Variants in WWC1 observed in about 807,000 individuals in gnomAD.
WWC1 encodes WW and C2 domain containing 1, also known as protein KIBRA.
A neutral mutation model predicts 138.4 loss-of-function variants in WWC1; 55 were observed. The ratio of observed to expected loss-of-function variants is 0.40; its 90% confidence interval spans 0.32 to 0.50. The LOEUF is 0.50. Among genes scored for constraint, WWC1 ranks in the 20% least tolerant of loss-of-function variants. The pLI, the probability that WWC1 is intolerant of heterozygous loss-of-function variation, is 0.72. For missense variants in WWC1, 1,226 were observed against 1,420.4 expected (o/e 0.86, Z 2.20); for synonymous variants, 524 against 564.9 (o/e 0.93, Z 1.03).
intron 20 of WWC1, among the ~76,000 whole-genome samples, chr5:168,461,306 T>C (rs1000404256): frequency 9.9e-5 from 15 of 152,048 alleles, no homozygotes; most frequent in African/African-American, 3.6e-4. Context: ...CACCCCAGCC[T>C]GGGCAACAGA....
chr5:168,412,341 C>T (rs915338031), intron 8 of WWC1, among the ~76,000 whole-genome samples: 7 of 152,146 alleles, frequency 4.6e-5, no homozygotes, highest in Non-Finnish European at 8.8e-5. Flanking sequence ...TGTCTGTAAT[C>T]CAAGGAGGGT....
chr5:168,464,012 T>C (rs1757036224), intron 20 of WWC1, among the ~76,000 whole-genome samples: 1 of 152,180 alleles, frequency 6.6e-6, no homozygotes, highest in African/African-American at 2.4e-5. Flanking sequence ...TGGGCTTTGA[T>C]AACATGCTTA....
chr5:168,432,982 C>A (rs965257998), intron 15 of WWC1, among the ~76,000 whole-genome samples: 10 of 152,236 alleles, frequency 6.6e-5, no homozygotes, highest in African/African-American at 2.2e-4. Flanking sequence ...TGCTCTCCAT[C>A]CTTGCCTTGA....
chr5:168,392,855 C>T (rs528512941), intron 3 of WWC1, among the ~76,000 whole-genome samples: 1 of 152,142 alleles, frequency 6.6e-6, no homozygotes, highest in East Asian at 1.9e-4. Flanking sequence ...AAAATAGAGA[C>T]TCAAACCAAC....
intron 3 of WWC1, among the ~76,000 whole-genome samples, chr5:168,391,106 A>G (rs1778451464): frequency 6.6e-6 from 1 of 152,236 alleles, no homozygotes; most frequent in South Asian, 2.1e-4. Context: ...CTCTTCAGCT[A>G]CACTTGGTTC....
At chr5:168,297,626 C>CA (rs70976474) in intron 1 of WWC1, among the ~76,000 whole-genome samples, 895 of 53,712 alleles carry the variant, frequency 0.017, 14 homozygotes, top group African/African-American at 0.032. Context: ...AACTCCATCT[C>CA]AAAAAAAAAA....
At chr5:168,428,852 C>T (rs1294928603) in intron 13 of WWC1, 65 bp downstream of exon 13, 8 of 1,560,688 alleles carry the variant, frequency 5.1e-6, no homozygotes, top group East Asian at 2.3e-5. Context: ...TCATCCACAG[C>T]GTTCCCCAGC....
At chr5:168,386,180 T>C (rs140665845) in intron 3 of WWC1, among the ~76,000 whole-genome samples, 71 of 152,216 alleles carry the variant, frequency 4.7e-4, no homozygotes, top group Non-Finnish European at 7.8e-4. Context: ...CGGACAACTC[T>C]ATCAGAAGCC....
chr5:168,421,936 G>C (rs1165682267), intron 9 of WWC1, 72 bp from the exon 10 acceptor site: 1 of 1,314,304 alleles, frequency 7.6e-7, no homozygotes, highest in East Asian at 2.4e-5. Flanking sequence ...TGTGGGTCTG[G>C]GTGTACATGG....
At chr5:168,447,340 G>A (rs892769178) in intron 17 of WWC1, among the ~76,000 whole-genome samples, 1 of 152,138 alleles carries the variant, frequency 6.6e-6, no homozygotes, top group African/African-American at 2.4e-5. Context: ...TTTCTGGAGA[G>A]GGCCAGATGG....
intron 1 of WWC1, among the ~76,000 whole-genome samples, chr5:168,363,524 C>CAAAAAAAAA (rs386405611): frequency 1.5e-5 from 1 of 65,782 alleles, no homozygotes; most frequent in African/African-American, 6.9e-5. Flanking sequence ...GACTCTGTCT[C>CAAAAAAAAA]AAAAAAAAAA....
chr5:168,317,728 G>T (rs1212234187), intron 1 of WWC1, among the ~76,000 whole-genome samples: 1 of 152,168 alleles, frequency 6.6e-6, no homozygotes, highest in Non-Finnish European at 1.5e-5. Context: ...TAAAAGGCTG[G>T]ATTATGTGGG....
chr5:168,464,644 G>T, intron 20 of WWC1, 85 bp from the exon 21 acceptor site: 1 of 1,558,332 alleles, frequency 6.4e-7, no homozygotes, highest in African/African-American at 1.4e-5. Flanking sequence ...CTACAAGAGA[G>T]GGTATTTGAG....
At chr5:168,340,291 G>A (rs1773938286) in intron 1 of WWC1, among the ~76,000 whole-genome samples, 1 of 152,116 alleles carries the variant, frequency 6.6e-6, no homozygotes, top group African/African-American at 2.4e-5. Flanking sequence ...GGCCAGGCTG[G>A]TCTTGAACTC....
At chr5:168,311,292 A>G (rs551482061) in intron 1 of WWC1, among the ~76,000 whole-genome samples, 7 of 144,676 alleles carry the variant, frequency 4.8e-5, no homozygotes, top group Non-Finnish European at 1.1e-4. Context: ...GTCGAAGGCT[A>G]CAGAGGCCCA....
At chr5:168,435,265 G>A (rs1164487221) in intron 15 of WWC1, among the ~76,000 whole-genome samples, 2 of 152,064 alleles carry the variant, frequency 1.3e-5, no homozygotes, top group Admixed American at 1.3e-4. Flanking sequence ...CTGCACTCCT[G>A]TCTGAGGCCA....
intron 2 of WWC1, among the ~76,000 whole-genome samples, chr5:168,375,271 C>T (rs575300052): frequency 6.6e-6 from 1 of 152,142 alleles, no homozygotes; most frequent in South Asian, 2.1e-4. Flanking sequence ...AGAGGAAAAG[C>T]AGCAATGATT....
chr5:168,356,732 A>C (rs1171964520), intron 1 of WWC1, among the ~76,000 whole-genome samples: 1 of 152,202 alleles, frequency 6.6e-6, no homozygotes, highest in African/African-American at 2.4e-5. Flanking sequence ...ATGAAACAGG[A>C]GTAGGAGACA....
intron 1 of WWC1, among the ~76,000 whole-genome samples, chr5:168,301,531 G>A (rs1022996693): frequency 6.6e-6 from 1 of 152,004 alleles, no homozygotes; most frequent in Non-Finnish European, 1.5e-5. Context: ...CCAGCTACTC[G>A]GGAGGCTGAG....
Sources: gnomAD v4.1 joint callset for allele counts (sites outside exome capture counted in the v4.1 genomes callset) on GRCh38, gnomAD v4.1.1 for gene constraint, MANE v1.5 for transcripts, NCBI Gene and HGNC (gene_info 2026-07-23, HGNC 2026-07-21) for gene names.